The following PHLPP1 variants were observed in gnomAD, a reference collection of about 807,000 sequenced individuals.
PHLPP1 encodes the protein PH domain leucine-rich repeat-containing protein phosphatase 1.
In PHLPP1, 42 loss-of-function variants were observed where a neutral mutation model predicts 117.2. The observed-to-expected ratio is 0.36, with a 90% CI of 0.28 to 0.46. The LOEUF (loss-of-function observed/expected upper bound fraction) is 0.46, where lower values mean the gene tolerates loss of function less well. PHLPP1 is among the 20% of genes least tolerant of loss of function. The pLI is 1.00. For synonymous variants in PHLPP1, 1,042 were observed against 970.7 expected, an observed-to-expected ratio of 1.07 and a Z score of -1.37; for missense variants, 2,084 against 2,241.9, an observed-to-expected ratio of 0.93 and a Z score of 1.42.
chr18:62,911,312 A>T (rs1916946039), intron 8 of PHLPP1, among the ~76,000 whole-genome samples: 1 of 61,180 alleles, frequency 1.6e-5, no homozygotes, highest in South Asian at 4.2e-4. Context: ...GGATCTAACG[A>T]AACTAAAGAG....
intron 1 of PHLPP1, among the ~76,000 whole-genome samples, chr18:62,765,229 C>T (rs1437017929): frequency 6.6e-6 from 1 of 152,112 alleles, no homozygotes; most frequent in African/African-American, 2.4e-5. Context: ...TTATGCATGG[C>T]CTTCTCATGT....
chr18:62,870,082 G>A (rs117748253), intron 4 of PHLPP1, among the ~76,000 whole-genome samples: 12,541 of 152,032 alleles, frequency 0.082, 689 homozygotes, highest in Non-Finnish European at 0.12. Flanking sequence ...TAGTAGAGAC[G>A]GAGGGGGGTC....
intron 1 of PHLPP1, among the ~76,000 whole-genome samples, chr18:62,773,978 T>C (rs931370723): frequency 6.6e-6 from 1 of 152,148 alleles, no homozygotes; most frequent in African/African-American, 2.4e-5. Context: ...ACTAATCTCA[T>C]TCATGAGTGC....
intron 12 of PHLPP1, among the ~76,000 whole-genome samples, chr18:62,954,422 A>G (rs184800164): frequency 8.4e-4 from 128 of 152,294 alleles, no homozygotes; most frequent in Middle Eastern, 3.4e-3. Flanking sequence ...TTCCAGTTTC[A>G]CTCAAATATT....
At chr18:62,966,669 C>T (rs996797102) in intron 14 of PHLPP1, among the ~76,000 whole-genome samples, 38 of 152,180 alleles carry the variant, frequency 2.5e-4, no homozygotes, top group African/African-American at 9.1e-4. Flanking sequence ...CGGGGTTTCA[C>T]TGTGTTAGCC....
At position 62,800,850 on chromosome 18, in the gene PHLPP1, T is replaced by G. The variant is rs577754147; in HGVS notation, c.1577-29185T>G. 2.0e-5 allele frequency among the ~76,000 whole-genome samples: 3 copies of G among 152,256 alleles called. No individual in the cohort carries two copies. The East Asian group carries it at 5.8e-4, about 29-fold the overall frequency. On this transcript the variant is annotated intron_variant, in intron 1 of 16. Coordinates refer to ENST00000262719, the MANE Select transcript of PHLPP1 (RefSeq NM_194449.4). The stretch of plus-strand genomic sequence containing the variant: ...TGAGCTTTTGTAAACATGAACTCAA[T>G]CTTTAGGGGTAAGAATCTCTTGTCA...
chr18:62,905,893 TTATAG>T (rs1211413880), intron 8 of PHLPP1, among the ~76,000 whole-genome samples: 9 of 152,206 alleles, frequency 5.9e-5, no homozygotes, highest in African/African-American at 2.2e-4. Flanking sequence ...CCCACAAATA[TTATAG>T]TAGACTTTTT....
Position 62,979,488 on chromosome 18 carries a change from T to C in PHLPP1, c.*57T>C, listed in dbSNP as rs1051232571. On this transcript the variant is annotated 3_prime_UTR_variant, in exon 17 of 17. Coordinates refer to ENST00000262719, the MANE Select transcript of PHLPP1 (RefSeq NM_194449.4). ...CACAAAAGACTGAGTTGCAAGAGTC[T>C]CCCAGGCTCACATTAAACCAGGGGT... is the stretch of plus-strand genomic sequence containing the variant. 3 of 1,513,946 alleles carry C rather than the reference T, an allele frequency of 2.0e-6. No homozygotes were observed. The highest frequency in any genetic ancestry group is 2.7e-6 in the Non-Finnish European group (3 of 1,126,612). The allele number at this position is 1,513,946 out of a possible 1,614,324, so 93.8% of individuals were successfully genotyped here. A position where few individuals can be genotyped will look rare whatever the true frequency, so the allele number is the denominator to read the frequency against.
chr18:62,855,957 G>T (rs1017888614), intron 3 of PHLPP1, among the ~76,000 whole-genome samples: 2 of 152,186 alleles, frequency 1.3e-5, no homozygotes, highest in African/African-American at 4.8e-5. Flanking sequence ...GGTTATATCA[G>T]TGAACAAAAT....
intron 10 of PHLPP1, among the ~76,000 whole-genome samples, chr18:62,928,427 A>G (rs565089833): frequency 2.0e-5 from 3 of 152,310 alleles, no homozygotes; most frequent in South Asian, 4.1e-4. Context: ...GCTTAACATC[A>G]TTAGCCATTG....
intron 10 of PHLPP1, among the ~76,000 whole-genome samples, chr18:62,932,604 A>G (rs1217698165): frequency 1.3e-5 from 2 of 152,212 alleles, no homozygotes; most frequent in African/African-American, 2.4e-5. Flanking sequence ...CTAGGCATCA[A>G]CGGAATGTAC....
chr18:62,905,423 AATTATATAT>A, intron 8 of PHLPP1, 139 bp downstream of exon 8: 1 of 420,776 alleles, frequency 2.4e-6, no homozygotes, highest in Non-Finnish European at 4.3e-6. Flanking sequence ...TATTCTCTAA[AATTATATAT>A]ATCTATTGAT....
chr18:62,884,700 C>A (rs982773100), intron 4 of PHLPP1, among the ~76,000 whole-genome samples: 3 of 152,192 alleles, frequency 2.0e-5, no homozygotes, highest in African/African-American at 7.2e-5. Flanking sequence ...TACTGTGAAA[C>A]GGAAATTTAT....
At chr18:62,793,590 G>C (rs952442412) in intron 1 of PHLPP1, among the ~76,000 whole-genome samples, 1 of 152,150 alleles carries the variant, frequency 6.6e-6, no homozygotes, top group African/African-American at 2.4e-5. Context: ...CATTAATTTA[G>C]TTAACAGTTA....
chr18:62,851,529 T>G (rs2144353389), intron 3 of PHLPP1, among the ~76,000 whole-genome samples: 1 of 152,236 alleles, frequency 6.6e-6, no homozygotes, highest in South Asian at 2.1e-4. Context: ...GGTGCGATCT[T>G]GGCTCACTGC....
chr18:62,920,476 C>T (rs1389873358), intron 10 of PHLPP1, among the ~76,000 whole-genome samples: 1 of 152,172 alleles, frequency 6.6e-6, no homozygotes, highest in Non-Finnish European at 1.5e-5. Flanking sequence ...TTCCCGCTTT[C>T]ACATGTTTGG....
At chr18:62,937,096 C>G (rs1445846734) in intron 10 of PHLPP1, among the ~76,000 whole-genome samples, 2 of 152,134 alleles carry the variant, frequency 1.3e-5, no homozygotes, top group African/African-American at 2.4e-5. Context: ...TGTTATGGTA[C>G]CAAATCCTGT....
chr18:62,964,054 C>T (rs981921313), intron 14 of PHLPP1, among the ~76,000 whole-genome samples: 2 of 151,820 alleles, frequency 1.3e-5, no homozygotes, highest in African/African-American at 4.8e-5. Context: ...ATTGATTTTT[C>T]CTGAAAAATG....
intron 1 of PHLPP1, among the ~76,000 whole-genome samples, chr18:62,791,192 A>T (rs1913446341): frequency 6.6e-6 from 1 of 152,010 alleles, no homozygotes; most frequent in Non-Finnish European, 1.5e-5. Context: ...ATTTTGTGGG[A>T]TGATTGGATT....
Sources: allele counts gnomAD v4.1 joint callset (sites outside exome capture counted in the v4.1 genomes callset), GRCh38; gene constraint gnomAD v4.1.1; transcripts MANE v1.5; gene names NCBI Gene and HGNC (gene_info 2026-07-23, HGNC 2026-07-21).